The following FHIT variants were observed in gnomAD, a reference collection of about 807,000 sequenced individuals.
FHIT encodes the protein fragile histidine triad diadenosine triphosphatase, also known as bis(5'-adenosyl)-triphosphatase.
A neutral mutation model predicts 17.9 loss-of-function variants in FHIT; 19 were observed. The ratio of observed to expected loss-of-function variants is 1.06; its 90% CI spans 0.74 to 1.56. The LOEUF (loss-of-function observed/expected upper bound fraction) is 1.56. Ranked by LOEUF, FHIT falls within the 40% of genes most tolerant of loss-of-function variation. The pLI is 0.00. For synonymous variants in FHIT, 81 were observed against 69.7 expected (o/e 1.16, Z -0.81); for missense variants, 248 against 189.2 (o/e 1.31, Z -1.82).
chr3:60,198,665 C>T lies in FHIT; in HGVS notation c.104-184513G>A, dbSNP rs76609000. 2.6e-5 allele frequency among the ~76,000 whole-genome samples: 4 copies of T among 152,252 alleles called. No homozygotes were observed. The East Asian group carries it at 5.8e-4, about 22-fold the overall frequency. The stretch of plus-strand genomic sequence containing the variant: ...AGTCCCACGTGCAAAATACCATCAC[C>T]GTCAACTTATGGTTATGAGAAAAGC... On this transcript the variant is annotated intron_variant, in intron 5 of 9. Transcript: ENST00000492590.
At chr3:60,081,274 G>T (rs1052840942) in intron 5 of FHIT, among the ~76,000 whole-genome samples, 21 of 152,036 alleles carry the variant, frequency 1.4e-4, no homozygotes, top group Non-Finnish European at 2.8e-4. Flanking sequence ...TTGGGGGGTG[G>T]TTCTGCATAT....
At chr3:60,411,605 C>T (rs1484860761) in intron 5 of FHIT, among the ~76,000 whole-genome samples, 2 of 152,222 alleles carry the variant, frequency 1.3e-5, no homozygotes, top group South Asian at 4.1e-4. Context: ...TTGTTTATTT[C>T]CCACATCATG....
chr3:60,162,129 A>G (rs1353379826), intron 5 of FHIT, among the ~76,000 whole-genome samples: 1 of 152,174 alleles, frequency 6.6e-6, no homozygotes, highest in Non-Finnish European at 1.5e-5. Flanking sequence ...GAAGGGGCAG[A>G]ATGACCTGAA....
At chr3:60,194,597 A>C (rs1200723487) in intron 5 of FHIT, among the ~76,000 whole-genome samples, 2 of 152,188 alleles carry the variant, frequency 1.3e-5, no homozygotes, top group South Asian at 2.1e-4. Context: ...ATACCTAATT[A>C]AACTAAAAAG....
rs1559780992 is a variant in FHIT, at chr3:60,861,002, C to CT, written c.-110-38992_-110-38991insA. On this transcript the variant is annotated intron_variant, in intron 3 of 9. Transcript: ENST00000492590. ...TATGATACATATATACGTATATATC[C>CT]ATATATATGATACATATATACGTAT... 1.4e-4 allele frequency among the ~76,000 whole-genome samples: 11 copies of CT among 80,340 alleles called. 1 individual carries two copies. In the East Asian group the frequency reaches 1.7e-3, roughly 12 times the overall value. 52.7% of individuals were successfully genotyped at this position (80,340 alleles called of 152,430 possible). A position where few individuals can be genotyped will look rare whatever the true frequency, so the allele number is the denominator to read the frequency against.
chr3:61,055,141 C>G (rs1334459652), intron 2 of FHIT, among the ~76,000 whole-genome samples: 1 of 151,844 alleles, frequency 6.6e-6, no homozygotes, highest in Non-Finnish European at 1.5e-5. Context: ...TGTGATGCGT[C>G]TCTTTTCCAC....
chr3:60,247,030 T>A (rs1338458962), intron 5 of FHIT, among the ~76,000 whole-genome samples: 1 of 152,096 alleles, frequency 6.6e-6, no homozygotes, highest in African/African-American at 2.4e-5. Context: ...CGAACATACA[T>A]CACTAAGAGT....
intron 4 of FHIT, among the ~76,000 whole-genome samples, chr3:60,685,229 G>A (rs1360886939): frequency 6.6e-6 from 1 of 151,994 alleles, no homozygotes; most frequent in Admixed American, 6.6e-5. Flanking sequence ...TCCTTAAGAG[G>A]GCTCTTGTGC....
intron 4 of FHIT, among the ~76,000 whole-genome samples, chr3:60,615,844 T>C (rs535346618): frequency 6.6e-6 from 1 of 152,352 alleles, no homozygotes; most frequent in East Asian, 1.9e-4. Context: ...AAGAACTACA[T>C]TTCCCAGAAT....
intron 5 of FHIT, among the ~76,000 whole-genome samples, chr3:60,238,614 AAT>A (rs1001783280): frequency 1.3e-5 from 2 of 152,154 alleles, no homozygotes; most frequent in African/African-American, 4.8e-5. Context: ...AAGATTACTG[AAT>A]ATGTTTTCTG....
At chr3:60,553,389 C>T (rs1224263669) in intron 4 of FHIT, 2 of 979,610 alleles carry the variant, frequency 2.0e-6, no homozygotes, top group Non-Finnish European at 2.4e-6. Flanking sequence ...CCCCTTCTTC[C>T]ACTGATTGAT....
chr3:60,142,888 T>C (rs1247549378), intron 5 of FHIT, among the ~76,000 whole-genome samples: 1 of 151,974 alleles, frequency 6.6e-6, no homozygotes. Flanking sequence ...AGATTAAGAA[T>C]TAACAAGATA....
intron 4 of FHIT, among the ~76,000 whole-genome samples, chr3:60,664,708 G>GTTT (rs575588178): frequency 1.5e-5 from 2 of 132,414 alleles, no homozygotes; most frequent in Non-Finnish European, 1.7e-5. Flanking sequence ...AGTTTAGCTA[G>GTTT]TTTTTTTTTT....
intron 4 of FHIT, among the ~76,000 whole-genome samples, chr3:60,731,217 A>G (rs2042023051): frequency 6.6e-6 from 1 of 152,192 alleles, no homozygotes; most frequent in Non-Finnish European, 1.5e-5. Flanking sequence ...TGCGTCATCA[A>G]AGAATGTTAC....
chr3:59,982,547 T>C (rs1708700498), intron 7 of FHIT, among the ~76,000 whole-genome samples: 1 of 152,166 alleles, frequency 6.6e-6, no homozygotes. Context: ...TCAAGTGTAA[T>C]AACTAACTTT....
chr3:60,279,833 C>G (rs1228425493), intron 5 of FHIT, among the ~76,000 whole-genome samples: 1 of 151,868 alleles, frequency 6.6e-6, no homozygotes, highest in African/African-American at 2.4e-5. Context: ...AGATCAAGAC[C>G]ATCCTGACTA....
chr3:60,434,901 A>G (rs535503253), intron 5 of FHIT, among the ~76,000 whole-genome samples: 1 of 152,288 alleles, frequency 6.6e-6, no homozygotes, highest in Admixed American at 6.5e-5. Context: ...CTTACTAACT[A>G]CAACATTCAT....
chr3:59,967,211 T>C (rs1707968207), intron 7 of FHIT, among the ~76,000 whole-genome samples: 1 of 152,098 alleles, frequency 6.6e-6, no homozygotes, highest in East Asian at 1.9e-4. Context: ...TCTGCAATAG[T>C]CCCTGAAGGA....
chr3:60,089,057 G>C (rs761226630), intron 5 of FHIT, among the ~76,000 whole-genome samples: 8 of 152,188 alleles, frequency 5.3e-5, no homozygotes, highest in Non-Finnish European at 1.0e-4. Context: ...CTAATGGCAA[G>C]GGCAGAAATC....
Sources: allele counts gnomAD v4.1 joint callset (sites outside exome capture counted in the v4.1 genomes callset), GRCh38; gene constraint gnomAD v4.1.1; transcripts MANE v1.5; gene names NCBI Gene and HGNC (gene_info 2026-07-23, HGNC 2026-07-21).